MYO5A: variants seen among roughly 807,000 people sequenced by gnomAD.
MYO5A encodes the protein unconventional myosin-Va.
Under a neutral mutation model 249.7 loss-of-function variants are expected in MYO5A, and 98 were observed. That is an observed-to-expected ratio of 0.39 (90% confidence interval 0.33 to 0.46). The LOEUF is 0.46. MYO5A is among the 20% of genes least tolerant of loss of function. The pLI, the probability that MYO5A is intolerant of heterozygous loss-of-function variation, is 0.98. For missense variants in MYO5A, 1,696 were observed against 2,308.8 expected, an observed-to-expected ratio of 0.73 and a Z score of 5.44; for synonymous variants, 778 against 810.6, an observed-to-expected ratio of 0.96 and a Z score of 0.68.
chr15:52,319,959 G>A (rs1237317341), intron 38 of MYO5A, among the ~76,000 whole-genome samples: 1 of 152,212 alleles, frequency 6.6e-6, no homozygotes, highest in African/African-American at 2.4e-5. Context: ...AGAGTGGTAG[G>A]TAGCAGTTCG....
At chr15:52,472,223 G>T (rs2950061) in intron 1 of MYO5A, among the ~76,000 whole-genome samples, 2 of 151,946 alleles carry the variant, frequency 1.3e-5, no homozygotes, top group Non-Finnish European at 2.9e-5. Context: ...GGACTACAGG[G>T]ACCAGCCACC....
intron 1 of MYO5A, among the ~76,000 whole-genome samples, chr15:52,493,138 G>C (rs754829573): frequency 3.9e-5 from 6 of 152,126 alleles, no homozygotes; most frequent in Non-Finnish European, 7.3e-5. Flanking sequence ...AGATAGAAAA[G>C]GTAGCCTTTT....
At chr15:52,483,417 G>A (rs559056616) in intron 1 of MYO5A, among the ~76,000 whole-genome samples, 1 of 152,288 alleles carries the variant, frequency 6.6e-6, no homozygotes, top group South Asian at 2.1e-4. Context: ...GGCAAGCACT[G>A]TGAATTAATT....
In MYO5A at chr15:52,310,453, G is replaced by A. The variant is rs1382922438; in HGVS notation, c.*3243C>T. ...GATTATTAAGATAAAGAACTGTTGT[G>A]ACTTTTAAGATCTCTTCCTTTGAAT... On this transcript the variant is annotated 3_prime_UTR_variant, in exon 42 of 42. Transcript: ENST00000399233. The A allele has an allele frequency of 6.6e-6, 1 of 152,242 alleles. No individual in the cohort carries two copies. The highest frequency in any genetic ancestry group is 2.4e-5 in the African/African-American group (1 of 41,456). The allele number at this position is 152,242 out of a possible 1,614,324, so 9.4% of individuals were successfully genotyped here. A position where few individuals can be genotyped will look rare whatever the true frequency, so the allele number is the denominator to read the frequency against.
chr15:52,506,606 G>C (rs1199988183), intron 1 of MYO5A, among the ~76,000 whole-genome samples: 1 of 151,866 alleles, frequency 6.6e-6, no homozygotes, highest in Admixed American at 6.6e-5. Context: ...GGAGGACAAG[G>C]AGGGCGGATC....
At chr15:52,526,647 T>A (rs1480972110) in intron 1 of MYO5A, among the ~76,000 whole-genome samples, 1 of 152,194 alleles carries the variant, frequency 6.6e-6, no homozygotes, top group African/African-American at 2.4e-5. Flanking sequence ...TGAGCTACCG[T>A]GCCCAGCCTA....
intron 24 of MYO5A, among the ~76,000 whole-genome samples, chr15:52,362,566 G>A (rs1021204141): frequency 1.3e-5 from 2 of 151,828 alleles, no homozygotes. Flanking sequence ...AAGCAAGTGA[G>A]CTCTGATCTC....
intron 36 of MYO5A, among the ~76,000 whole-genome samples, chr15:52,327,236 GTTTA>G (rs1567022321): frequency 1.3e-5 from 2 of 152,078 alleles, no homozygotes; most frequent in Admixed American, 6.5e-5. Flanking sequence ...ACTAAATATT[GTTTA>G]GTTCTAAGTA....
At chr15:52,396,721 C>T (rs1215701350) in intron 10 of MYO5A, among the ~76,000 whole-genome samples, 2 of 152,040 alleles carry the variant, frequency 1.3e-5, no homozygotes, top group Non-Finnish European at 2.9e-5. Context: ...AAAGCCATTG[C>T]TCTTGTCAAT....
chr15:52,523,933 T>C (rs2077676200), intron 1 of MYO5A, among the ~76,000 whole-genome samples: 1 of 135,126 alleles, frequency 7.4e-6, no homozygotes, highest in Non-Finnish European at 1.7e-5. Flanking sequence ...GACATGAAAA[T>C]ATTAGAATTT....
intron 1 of MYO5A, among the ~76,000 whole-genome samples, chr15:52,459,124 TGAG>T (rs923415436): frequency 3.6e-5 from 5 of 138,738 alleles, no homozygotes; most frequent in African/African-American, 1.3e-4. Flanking sequence ...CTCAGCCTCC[TGAG>T]TAGCTGGGAT....
intron 24 of MYO5A, 86 bp from the exon 25 acceptor site, chr15:52,360,167 T>C: frequency 1.1e-6 from 1 of 874,926 alleles, no homozygotes; most frequent in African/African-American, 1.7e-5. Flanking sequence ...ACTTGGTTCT[T>C]ATCCCTACTT....
At chr15:52,462,606 C>T (rs2076274458) in intron 1 of MYO5A, among the ~76,000 whole-genome samples, 2 of 152,050 alleles carry the variant, frequency 1.3e-5, no homozygotes, top group South Asian at 2.1e-4. Flanking sequence ...CCAGCACTTT[C>T]GGAGGCCAAG....
At chr15:52,501,030 CAA>C (rs2077145963) in intron 1 of MYO5A, among the ~76,000 whole-genome samples, 1 of 151,690 alleles carries the variant, frequency 6.6e-6, no homozygotes, top group African/African-American at 2.4e-5. Context: ...AGTGCAGTGG[CAA>C]GATCTTGGCT....
At chr15:52,470,758 C>T (rs564779773) in intron 1 of MYO5A, among the ~76,000 whole-genome samples, 13 of 152,264 alleles carry the variant, frequency 8.5e-5, no homozygotes, top group Admixed American at 3.3e-4. Flanking sequence ...CACAGTGGCT[C>T]ACATCGGTAA....
chr15:52,340,553 G>T (rs890995398), intron 31 of MYO5A, among the ~76,000 whole-genome samples, 159 bp from the exon 32 acceptor site: 6 of 152,198 alleles, frequency 3.9e-5, no homozygotes, highest in African/African-American at 1.4e-4. Context: ...ACTAAAACAA[G>T]AAGCAGAAAT....
At chr15:52,455,917 T>C (rs546194173) in intron 1 of MYO5A, among the ~76,000 whole-genome samples, 1 of 152,200 alleles carries the variant, frequency 6.6e-6, no homozygotes, top group African/African-American at 2.4e-5. Context: ...AACAAAAGGA[T>C]GTCTACTTTT....
chr15:52,445,194 C>A (rs368666140), intron 1 of MYO5A, among the ~76,000 whole-genome samples: 7 of 152,326 alleles, frequency 4.6e-5, no homozygotes, highest in African/African-American at 1.7e-4. Flanking sequence ...TCATGGCTTG[C>A]TACTGCCTTT....
intron 37 of MYO5A, among the ~76,000 whole-genome samples, chr15:52,322,412 G>C (rs2038373430): frequency 6.6e-6 from 1 of 152,234 alleles, no homozygotes; most frequent in African/African-American, 2.4e-5. Flanking sequence ...GAGGGCAGTT[G>C]GCTAGGGTCA....
Sources: gnomAD v4.1 joint callset for allele counts (sites outside exome capture counted in the v4.1 genomes callset) on GRCh38, gnomAD v4.1.1 for gene constraint, MANE v1.5 for transcripts, NCBI Gene and HGNC (gene_info 2026-07-23, HGNC 2026-07-21) for gene names.